The following MGLL variants were observed in gnomAD, a reference collection of about 807,000 sequenced individuals.
The protein encoded by MGLL is lysophospholipase homolog.
In MGLL, 7 loss-of-function variants were observed where a neutral mutation model predicts 29.1. That is an observed-to-expected ratio of 0.24 (90% CI 0.14 to 0.45). The LOEUF (loss-of-function observed/expected upper bound fraction) is 0.45. Among genes scored for constraint, MGLL ranks in the 20% least tolerant of loss-of-function variants. The probability of loss-of-function intolerance (pLI) is 0.99; values close to 1 mark genes in which losing one functional copy is unlikely to be tolerated. For synonymous variants in MGLL, 148 were observed against 168.3 expected (o/e 0.88, Z 0.93); for missense variants, 356 against 413.6 (o/e 0.86, Z 1.21).
At chr3:127,696,023 AT>A (rs1158612335) in intron 6 of MGLL, among the ~76,000 whole-genome samples, 12 of 152,108 alleles carry the variant, frequency 7.9e-5, no homozygotes. Flanking sequence ...GGCACTGACA[AT>A]GGGCTTTGGG....
At chr3:127,701,737 T>C (rs1314147554) in intron 6 of MGLL, among the ~76,000 whole-genome samples, 2 of 152,150 alleles carry the variant, frequency 1.3e-5, no homozygotes, top group Non-Finnish European at 2.9e-5. Context: ...CCCGGTCCCG[T>C]GTGTGTCATC....
chr3:127,822,575 T>G, upstream of MGLL: 2 of 535,310 alleles, frequency 3.7e-6, no homozygotes, highest in East Asian at 3.3e-5. Flanking sequence ...TACTAGTTCA[T>G]GTCATCACTT....
chr3:127,739,839 C>T (rs1224389900), intron 3 of MGLL, among the ~76,000 whole-genome samples: 2 of 152,218 alleles, frequency 1.3e-5, no homozygotes, highest in Non-Finnish European at 2.9e-5. Context: ...CTACCATCCT[C>T]CAAGTGTGCA....
At chr3:127,774,866 C>T (rs1431111001) in intron 3 of MGLL, among the ~76,000 whole-genome samples, 1 of 152,142 alleles carries the variant, frequency 6.6e-6, no homozygotes, top group Non-Finnish European at 1.5e-5. Context: ...AGACCCTGCG[C>T]TATCTCATTT....
chr3:127,750,612 A>G (rs1409243008), intron 3 of MGLL, among the ~76,000 whole-genome samples: 2 of 135,866 alleles, frequency 1.5e-5, no homozygotes, highest in African/African-American at 5.4e-5. Flanking sequence ...AGTCATTTCC[A>G]CTCCCGGGCA....
chr3:127,742,589 CAAAAAAAAAAAAAA>C (rs60743176), intron 3 of MGLL, among the ~76,000 whole-genome samples: 1 of 70,494 alleles, frequency 1.4e-5, no homozygotes, highest in Admixed American at 1.9e-4. Flanking sequence ...GACTCCGTCC[CAAAAAAAAAAAAAA>C]AAAAAAAAAA....
chr3:127,802,112 G>C (rs965757582), intron 2 of MGLL, among the ~76,000 whole-genome samples: 2 of 152,162 alleles, frequency 1.3e-5, no homozygotes, highest in African/African-American at 4.8e-5. Flanking sequence ...TGCCAGGCCG[G>C]GTTGGGCACC....
rs1225670672 is a variant in MGLL at position 127,735,573 on chromosome 3, T to A, written c.263-13007A>T. On this transcript the variant is annotated intron_variant, in intron 3 of 7. Transcript: ENST00000265052. ...AAATATACATATTTTTAGAGACTCATACTTATGTGATAAACACATAAAATA... is the reference window on the plus strand; with the variant it reads ...AAATATACATATTTTTAGAGACTCAAACTTATGTGATAAACACATAAAATA... The A allele has an allele frequency of 1.4e-5, 14 of 967,796 alleles. 1 individual carries two copies. Among genetic ancestry groups the A allele is most frequent in the Admixed American group, 2.3e-5 (1 of 42,880 alleles). The allele number at this position is 967,796 out of a possible 1,614,324, so 60.0% of individuals were successfully genotyped here.
chr3:127,697,400 C>A (rs7609914), intron 6 of MGLL, among the ~76,000 whole-genome samples: 21,839 of 152,206 alleles, frequency 0.14, 1,927 homozygotes, highest in East Asian at 0.29. Flanking sequence ...TTTTTGCATG[C>A]AGTAACTCAC....
At position 127,759,325 on chromosome 3, in the gene MGLL, C is replaced by G. The variant is rs374718185; in HGVS notation, c.262+22464G>C. Among the ~76,000 whole-genome samples, 29 of 152,320 alleles carry G rather than the reference C, an allele frequency of 1.9e-4. No homozygotes were observed. The South Asian group carries it at 6.0e-3, about 32-fold the overall frequency. ...GAGTCAGGCGGCTCTCAACCCTTCTCTCTGCTATGCGTGACCCTGGCTAAC... is the reference window on the plus strand; with the variant it reads ...GAGTCAGGCGGCTCTCAACCCTTCTGTCTGCTATGCGTGACCCTGGCTAAC... On this transcript the variant is annotated intron_variant, in intron 3 of 7. Transcript: ENST00000265052.
At chr3:127,785,589 CTGGT>C (rs1192350539) in intron 2 of MGLL, among the ~76,000 whole-genome samples, 2 of 152,256 alleles carry the variant, frequency 1.3e-5, no homozygotes, top group African/African-American at 2.4e-5. Flanking sequence ...CCAGAACAAC[CTGGT>C]TGGATTCCCA....
intron 6 of MGLL, 107 bp downstream of exon 6, chr3:127,710,469 G>T: frequency 9.6e-7 from 1 of 1,037,020 alleles, no homozygotes; most frequent in Non-Finnish European, 1.5e-6. Flanking sequence ...CTTTGCACAG[G>T]GCCTCGGTGA....
chr3:127,705,179 T>C (rs1000217739), intron 6 of MGLL, among the ~76,000 whole-genome samples: 3 of 150,458 alleles, frequency 2.0e-5, no homozygotes, highest in African/African-American at 7.4e-5. Context: ...AATGAGAACA[T>C]ATGGACACAG....
chr3:127,703,802 T>C (rs2075545572), intron 6 of MGLL, among the ~76,000 whole-genome samples: 1 of 152,248 alleles, frequency 6.6e-6, no homozygotes, highest in African/African-American at 2.4e-5. Flanking sequence ...ATTATATTTG[T>C]ATATGTGGTT....
At chr3:127,800,628 C>A (rs2077459515) in intron 2 of MGLL, among the ~76,000 whole-genome samples, 1 of 152,232 alleles carries the variant, frequency 6.6e-6, no homozygotes, top group South Asian at 2.1e-4. Context: ...GTGCATTAGT[C>A]AGCCTATACC....
intron 3 of MGLL, among the ~76,000 whole-genome samples, chr3:127,743,095 G>A (rs758357564): frequency 2.6e-5 from 4 of 152,170 alleles, no homozygotes; most frequent in African/African-American, 7.2e-5. Flanking sequence ...GGTTACAGGC[G>A]TGAGCCACCG....
intron 2 of MGLL, among the ~76,000 whole-genome samples, chr3:127,807,608 C>T (rs1393035256): frequency 2.0e-5 from 3 of 151,848 alleles, no homozygotes; most frequent in African/African-American, 7.3e-5. Flanking sequence ...GTTGGTAACT[C>T]TGTCAGTGAT....
intron 3 of MGLL, chr3:127,735,729 C>G (rs202091016): frequency 4.9e-5 from 78 of 1,597,920 alleles, no homozygotes; most frequent in Admixed American, 3.5e-4. Context: ...GTTTCCAGCA[C>G]GTGCTCGCTC....
intron 5 of MGLL, among the ~76,000 whole-genome samples, chr3:127,714,418 A>C (rs2107612391): frequency 6.6e-6 from 1 of 152,312 alleles, no homozygotes; most frequent in Non-Finnish European, 1.5e-5. Flanking sequence ...TCGCTCCCCT[A>C]AAGGAGCTGC....
Sources: allele counts gnomAD v4.1 joint callset (sites outside exome capture counted in the v4.1 genomes callset), GRCh38; gene constraint gnomAD v4.1.1; transcripts MANE v1.5; gene names NCBI Gene and HGNC (gene_info 2026-07-23, HGNC 2026-07-21).